ULK4: variants seen among roughly 807,000 people sequenced by gnomAD.
ULK4 encodes the protein unc-51 like kinase 4.
In ULK4, 133 loss-of-function variants were observed where a neutral mutation model predicts 160.6. The observed-to-expected ratio is 0.83, with a 90% CI of 0.72 to 0.96. The LOEUF (loss-of-function observed/expected upper bound fraction) is 0.96, where lower values mean the gene tolerates loss of function less well. Ranked by LOEUF, ULK4 falls within the 40% of genes least tolerant of loss-of-function variation. ULK4 has a pLI of 0.00. For synonymous variants in ULK4, 534 were observed against 539.8 expected (o/e 0.99, Z 0.15); for missense variants, 1,580 against 1,499.5 (o/e 1.05, Z -0.89).
At chr3:41,823,278 G>C (rs1253041505) in intron 18 of ULK4, among the ~76,000 whole-genome samples, 2 of 152,162 alleles carry the variant, frequency 1.3e-5, no homozygotes, top group Non-Finnish European at 2.9e-5. Flanking sequence ...GGCATAGTGG[G>C]TTTAAGGAAC....
intron 35 of ULK4, among the ~76,000 whole-genome samples, chr3:41,390,533 T>TC (rs1244134504): frequency 2.0e-5 from 3 of 152,178 alleles, no homozygotes; most frequent in African/African-American, 7.2e-5. Context: ...TACACACTGC[T>TC]TTGAATGTGT....
intron 18 of ULK4, among the ~76,000 whole-genome samples, chr3:41,824,951 T>C (rs1457769035): frequency 6.6e-6 from 1 of 152,154 alleles, no homozygotes; most frequent in Non-Finnish European, 1.5e-5. Flanking sequence ...GGCTGGGTAC[T>C]CCTCTGAGAC....
chr3:41,951,144 C>A (rs1319298517), intron 2 of ULK4, among the ~76,000 whole-genome samples: 146 of 64,622 alleles, frequency 2.3e-3, no homozygotes, highest in African/African-American at 4.0e-3. Context: ...GGCTTCGTCT[C>A]AAAAAAAAAA....
intron 29 of ULK4, among the ~76,000 whole-genome samples, chr3:41,676,048 C>G (rs2035701651): frequency 6.6e-6 from 1 of 152,142 alleles, no homozygotes; most frequent in African/African-American, 2.4e-5. Context: ...CCAGGGGATG[C>G]CTTGATTTCA....
chr3:41,824,249 G>T (rs7615708), intron 18 of ULK4, among the ~76,000 whole-genome samples: 45 of 151,480 alleles, frequency 3.0e-4, no homozygotes, highest in African/African-American at 1.0e-3. Flanking sequence ...CGATGCAGAC[G>T]ATGGGTGATT....
chr3:41,749,138 T>C (rs189646526), intron 22 of ULK4, among the ~76,000 whole-genome samples: 5 of 152,256 alleles, frequency 3.3e-5, no homozygotes, highest in African/African-American at 9.6e-5. Flanking sequence ...CTTTTCACTT[T>C]CAGGGTGGTA....
At chr3:41,518,994 T>C (rs1477527337) in intron 32 of ULK4, among the ~76,000 whole-genome samples, 1 of 152,196 alleles carries the variant, frequency 6.6e-6, no homozygotes, top group Non-Finnish European at 1.5e-5. Flanking sequence ...TAAGAAAGAA[T>C]CACAGAATCT....
intron 34 of ULK4, among the ~76,000 whole-genome samples, chr3:41,433,965 G>A (rs978945223): frequency 3.6e-4 from 55 of 152,116 alleles, no homozygotes; most frequent in Admixed American, 7.2e-4. Flanking sequence ...CTCGTGATCC[G>A]CCCGCCTTGG....
chr3:41,283,623 C>T (rs188821109), intron 35 of ULK4, among the ~76,000 whole-genome samples: 3 of 152,172 alleles, frequency 2.0e-5, no homozygotes, highest in East Asian at 3.9e-4. Flanking sequence ...GGGTGGAGAA[C>T]GTCAAAACCA....
chr3:41,600,432 GGA>G (rs1200275580), intron 31 of ULK4, among the ~76,000 whole-genome samples: 2 of 152,310 alleles, frequency 1.3e-5, no homozygotes, highest in African/African-American at 2.4e-5. Context: ...GACCAGGTCA[GGA>G]GAGTCTTGGA....
chr3:41,423,337 A>T (rs1446727003), intron 34 of ULK4, among the ~76,000 whole-genome samples: 1 of 152,172 alleles, frequency 6.6e-6, no homozygotes, highest in Non-Finnish European at 1.5e-5. Context: ...TGTGATATAA[A>T]TCTGTCTTTC....
At chr3:41,445,601 C>T (rs143655473) in intron 34 of ULK4, among the ~76,000 whole-genome samples, 40,413 of 151,954 alleles carry the variant, frequency 0.27, 5,615 homozygotes, top group East Asian at 0.57. Context: ...TTTGACAAAC[C>T]TGACAAAAAC....
intron 32 of ULK4, among the ~76,000 whole-genome samples, chr3:41,561,799 T>C (rs570387740): frequency 6.6e-6 from 1 of 152,316 alleles, no homozygotes; most frequent in African/African-American, 2.4e-5. Flanking sequence ...CGTTGATCTT[T>C]TGAAAAAACC....
At chr3:41,903,413 C>T (rs1698439724) in intron 12 of ULK4, among the ~76,000 whole-genome samples, 1 of 152,030 alleles carries the variant, frequency 6.6e-6, no homozygotes, top group African/African-American at 2.4e-5. Flanking sequence ...GGTGAAACCC[C>T]ATCTGTCCTA....
rs959007988 is a variant in ULK4 at position 41,935,898 on chromosome 3, G to C, written c.281C>G (p.Pro94Arg). ...KTVIAQDENL[P>R]EDVVREFGID... Reference sequence around the variant, plus strand: ...TCCAAATTCTCTCACAACATCTTCTGGGAGGTTTTCATCTTGAGCAATAAC... The same window carrying C: ...TCCAAATTCTCTCACAACATCTTCTCGGAGGTTTTCATCTTGAGCAATAAC... The change falls in exon 4 of 37, where the codon CCA becomes CGA. Residue 94 changes from proline (P) to arginine (R), a missense_variant. Coordinates refer to ENST00000301831, the MANE Select transcript of ULK4 (RefSeq NM_017886.4). The C allele has an allele frequency of 1.4e-5, 22 of 1,613,792 alleles. No homozygotes were observed. The African/African-American group carries it at 2.7e-4, about 20-fold the overall frequency.
intron 32 of ULK4, among the ~76,000 whole-genome samples, chr3:41,554,245 A>T (rs1240227636): frequency 6.6e-6 from 1 of 152,194 alleles, no homozygotes; most frequent in Non-Finnish European, 1.5e-5. Flanking sequence ...CTGCAGCACT[A>T]TTCACAATAG....
chr3:41,459,519 T>C (rs1430038412), intron 33 of ULK4, among the ~76,000 whole-genome samples: 3 of 152,154 alleles, frequency 2.0e-5, no homozygotes, highest in Non-Finnish European at 4.4e-5. Flanking sequence ...CATGATTCAG[T>C]CCCCATTATC....
chr3:41,803,913 C>A (rs1204728984), intron 19 of ULK4, among the ~76,000 whole-genome samples: 2 of 152,200 alleles, frequency 1.3e-5, no homozygotes, highest in Non-Finnish European at 2.9e-5. Flanking sequence ...GGTTCCAAGT[C>A]TTTGCTGTTG....
At position 41,820,176 on chromosome 3, in the gene ULK4, G is replaced by A. The variant is rs143075379; in HGVS notation, c.1765-670C>T. Among the ~76,000 whole-genome samples the A allele has an allele frequency of 3.9e-3, 598 of 152,056 alleles. 2 individuals are homozygous for A. Among genetic ancestry groups the A allele is most frequent in the African/African-American group, 7.9e-3 (328 of 41,476 alleles). On this transcript the variant is annotated intron_variant, in intron 18 of 36. Transcript: ENST00000301831. ...GCAGAAAAAATTAGGTTCTACTTACGGAACATACTCAAGATTGTCCAAATG... is the reference window on the plus strand; with the variant it reads ...GCAGAAAAAATTAGGTTCTACTTACAGAACATACTCAAGATTGTCCAAATG...
Sources: allele counts gnomAD v4.1 joint callset (sites outside exome capture counted in the v4.1 genomes callset), GRCh38; gene constraint gnomAD v4.1.1; transcripts MANE v1.5; gene names NCBI Gene and HGNC (gene_info 2026-07-23, HGNC 2026-07-21).